HACD4: variants seen among roughly 807,000 people sequenced by gnomAD.
HACD4 encodes very-long-chain (3R)-3-hydroxyacyl-CoA dehydratase 4.
HACD4 carries 35 observed loss-of-function variants against 33.3 expected under a neutral mutation model. The observed-to-expected ratio is 1.05, with a 90% CI of 0.80 to 1.39. HACD4 has a LOEUF of 1.39. Ranked by LOEUF, HACD4 falls within the 40% of genes most tolerant of loss-of-function variation. HACD4 has a pLI of 0.00. For synonymous variants in HACD4, 118 were observed against 98.0 expected, an observed-to-expected ratio of 1.20 and a Z score of -1.21; for missense variants, 323 against 276.5, an observed-to-expected ratio of 1.17 and a Z score of -1.19.
At chr9:21,017,378 G>C (rs1467885017) in intron 3 of HACD4, among the ~76,000 whole-genome samples, 2 of 152,134 alleles carry the variant, frequency 1.3e-5, no homozygotes, top group African/African-American at 4.8e-5. Flanking sequence ...TCAAACCATG[G>C]AAGCTATCTA....
intron 5 of HACD4, among the ~76,000 whole-genome samples, chr9:21,008,443 C>T (rs1346144915): frequency 6.6e-6 from 1 of 152,072 alleles, no homozygotes; most frequent in Non-Finnish European, 1.5e-5. Context: ...GTCCACCTAG[C>T]CACAAATAGG....
chr9:21,013,876 A>G (rs1416061225), intron 4 of HACD4, among the ~76,000 whole-genome samples: 2 of 152,172 alleles, frequency 1.3e-5, no homozygotes, highest in Admixed American at 1.3e-4. Context: ...CAATAGAGAT[A>G]GTTTTACTTG....
intron 4 of HACD4, among the ~76,000 whole-genome samples, chr9:21,013,757 G>A (rs1842492669): frequency 1.3e-5 from 2 of 151,952 alleles, no homozygotes; most frequent in Admixed American, 1.3e-4. Flanking sequence ...TTATGCTACT[G>A]TAAACAGAAT....
chr9:21,026,760 A>T (rs1249098967), intron 2 of HACD4, 37 bp from the exon 3 acceptor site: 3 of 1,586,194 alleles, frequency 1.9e-6, no homozygotes, highest in African/African-American at 1.3e-5. Context: ...ATATAGGAAG[A>T]AAAAACTGGA....
At chr9:21,023,932 GT>G (rs1240347257) in intron 3 of HACD4, among the ~76,000 whole-genome samples, 1 of 152,154 alleles carries the variant, frequency 6.6e-6, no homozygotes, top group Non-Finnish European at 1.5e-5. Flanking sequence ...TATCGACATG[GT>G]TTTTTAGCTT....
intron 5 of HACD4, among the ~76,000 whole-genome samples, chr9:21,010,456 A>ACCCCC (rs57375934): frequency 9.5e-6 from 1 of 105,046 alleles, no homozygotes; most frequent in Non-Finnish European, 1.9e-5. Context: ...ACATCCTGGT[A>ACCCCC]CCCCCCCCCC....
At chr9:21,028,620 A>T (rs1163537887) in intron 2 of HACD4, among the ~76,000 whole-genome samples, 1 of 152,206 alleles carries the variant, frequency 6.6e-6, no homozygotes, top group African/African-American at 2.4e-5. Context: ...AGTTGCTTAG[A>T]TTGTCAAGTC....
rs1369490088 is a variant in HACD4 at position 21,031,477 on chromosome 9, C to T, written c.38+76G>A. 1.5e-5 allele frequency: 21 copies of T among 1,370,242 alleles called. No homozygotes were observed. In the East Asian group the frequency reaches 5.6e-4, roughly 37 times the overall value. 84.9% of individuals were successfully genotyped at this position (1,370,242 alleles called of 1,614,324 possible). A position where few individuals can be genotyped will look rare whatever the true frequency, so the allele number is the denominator to read the frequency against. On this transcript the variant is annotated intron_variant, in intron 1 of 6. Transcript: ENST00000495827. ...GGGCGGGGGGTGCCGCCCGCCCGCC[C>T]GCCGCAGAGGGGAGCTCCCGCCTCC... is the stretch of plus-strand genomic sequence containing the variant.
chr9:21,021,999 C>A (rs533287828), intron 3 of HACD4, among the ~76,000 whole-genome samples: 22 of 152,206 alleles, frequency 1.4e-4, no homozygotes, highest in Admixed American at 1.0e-3. Context: ...GCTACAGTAA[C>A]CAAAACAGCA....
At position 21,008,005 on chromosome 9, in the gene HACD4, C is replaced by CA. The variant is rs773747725; in HGVS notation, c.616+15dup. The stretch of plus-strand genomic sequence containing the variant: ...TACAGGAAAAATGCAAAAACAAGAC[C>CA]AAAAAAGCCACTTACCTATAAAGAG... On this transcript the variant is annotated intron_variant, in intron 6 of 6. Transcript: ENST00000495827. The CA allele has an allele frequency of 7.0e-6, 11 of 1,570,550 alleles. No homozygotes were observed. In the African/African-American group the frequency reaches 8.4e-5, roughly 12 times the overall value.
intron 6 of HACD4, among the ~76,000 whole-genome samples, chr9:21,007,768 T>A (rs1361154950): frequency 6.6e-6 from 1 of 152,184 alleles, no homozygotes; most frequent in Non-Finnish European, 1.5e-5. Flanking sequence ...CTATATCTCA[T>A]ACATAATGCA....
chr9:21,008,448 A>G lies in HACD4; in HGVS notation c.491-302T>C, dbSNP rs955683943. Among the ~76,000 whole-genome samples the G allele has an allele frequency of 2.0e-5, 3 of 152,176 alleles. No individual in the cohort carries two copies. The East Asian group carries it at 5.8e-4, about 29-fold the overall frequency. On this transcript the variant is annotated intron_variant, in intron 5 of 6. Transcript: ENST00000495827. The stretch of plus-strand genomic sequence containing the variant: ...AAATACATTTGTCCACCTAGCCACA[A>G]ATAGGGGTGATAGAGAGATGAACTT...
chr9:21,026,477 C>T, intron 3 of HACD4, 119 bp downstream of exon 3: 1 of 778,572 alleles, frequency 1.3e-6, no homozygotes, highest in Non-Finnish European at 2.1e-6. Context: ...ATTAATTCTC[C>T]TTATCAGTGA....
chr9:21,018,796 T>C (rs1298286277), intron 3 of HACD4, among the ~76,000 whole-genome samples: 2 of 145,750 alleles, frequency 1.4e-5, no homozygotes, highest in African/African-American at 2.5e-5. Context: ...GATAACTATA[T>C]AATAAAAATG....
intron 6 of HACD4, 148 bp downstream of exon 6, chr9:21,007,872 AG>A (rs1842307907): frequency 1.7e-6 from 1 of 582,890 alleles, no homozygotes. Flanking sequence ...TATAACCTCC[AG>A]GGGCTTTACT....
chr9:21,009,284 C>A (rs901487546), intron 5 of HACD4, among the ~76,000 whole-genome samples: 1 of 152,098 alleles, frequency 6.6e-6, no homozygotes, highest in Admixed American at 6.6e-5. Flanking sequence ...GCATTATTGA[C>A]ATTTTTGTCA....
At chr9:21,030,610 T>C (rs950132631) in intron 1 of HACD4, among the ~76,000 whole-genome samples, 2 of 152,134 alleles carry the variant, frequency 1.3e-5, no homozygotes, top group Non-Finnish European at 2.9e-5. Context: ...GTAATCCAAA[T>C]GTTGGGTAAT....
intron 1 of HACD4, among the ~76,000 whole-genome samples, chr9:21,030,824 A>G (rs114380199): frequency 0.013 from 1,926 of 152,330 alleles, 32 homozygotes; most frequent in African/African-American, 0.044. Flanking sequence ...GAGATGACTA[A>G]GAGAAGATTG....
chr9:21,008,424 A>T (rs1368748568), intron 5 of HACD4, among the ~76,000 whole-genome samples: 2 of 152,158 alleles, frequency 1.3e-5, no homozygotes, highest in Non-Finnish European at 2.9e-5. Context: ...GTTATCTCAA[A>T]ATACATTTGT....
Sources: allele counts gnomAD v4.1 joint callset (sites outside exome capture counted in the v4.1 genomes callset), GRCh38; gene constraint gnomAD v4.1.1; transcripts MANE v1.5; gene names NCBI Gene and HGNC (gene_info 2026-07-23, HGNC 2026-07-21).